The following VAV2 variants were observed in gnomAD, a reference collection of about 807,000 sequenced individuals.
VAV2 encodes the protein vav guanine nucleotide exchange factor 2, also known as guanine nucleotide exchange factor VAV2.
VAV2 carries 67 observed loss-of-function variants against 132.5 expected under a neutral mutation model. That is an observed-to-expected ratio of 0.51 (90% CI 0.42 to 0.62). The LOEUF (loss-of-function observed/expected upper bound fraction) is 0.62. Among genes scored for constraint, VAV2 ranks in the 20% least tolerant of loss-of-function variants. The pLI is 0.00. For synonymous variants in VAV2, 492 were observed against 443.5 expected, an observed-to-expected ratio of 1.11 and a Z score of -1.37; for missense variants, 938 against 1,153.6, an observed-to-expected ratio of 0.81 and a Z score of 2.71.
intron 3 of VAV2, among the ~76,000 whole-genome samples, chr9:133,839,198 GGATA>G (rs1357605718): frequency 6.6e-6 from 1 of 152,058 alleles, no homozygotes; most frequent in Non-Finnish European, 1.5e-5. Context: ...GTAAGTGGAA[GGATA>G]GATAAATGGG....
intron 11 of VAV2, among the ~76,000 whole-genome samples, chr9:133,796,091 T>C (rs1324078417): frequency 6.6e-6 from 1 of 152,224 alleles, no homozygotes; most frequent in Non-Finnish European, 1.5e-5. Flanking sequence ...CAGGTCTGGC[T>C]TTCCTGAAGC....
intron 18 of VAV2, 88 bp from the exon 19 acceptor site, chr9:133,783,679 A>G: frequency 1.6e-6 from 2 of 1,219,952 alleles, no homozygotes; most frequent in Non-Finnish European, 1.2e-6. Context: ...GTCCCCACCC[A>G]GGCTCACCTG....
intron 1 of VAV2, among the ~76,000 whole-genome samples, chr9:133,942,962 G>A (rs368945419): frequency 1.3e-5 from 2 of 152,206 alleles, no homozygotes; most frequent in African/African-American, 2.4e-5. Context: ...GGCCACACAC[G>A]GCCCGGCCTC....
intron 1 of VAV2, among the ~76,000 whole-genome samples, chr9:133,941,717 C>T (rs1038392607): frequency 6.6e-6 from 1 of 151,890 alleles, no homozygotes; most frequent in Admixed American, 6.6e-5. Flanking sequence ...AATTCTCCTG[C>T]CTGAGCCTCC....
rs933936838 is a variant in VAV2, at chr9:133,802,283, C to A, written c.836+3798G>T. Reference sequence around the variant, plus strand: ...ACACGGGCACACATGTATGCACACACACACACATGCATGTGCACACAAACA... The same window carrying A: ...ACACGGGCACACATGTATGCACACAAACACACATGCATGTGCACACAAACA... On this transcript the variant is annotated intron_variant, in intron 9 of 29. Transcript: ENST00000371850. This position sits in a 1 kb window ranked among gnomAD's most constrained non-coding sequence, Gnocchi z 5.8. Among the ~76,000 whole-genome samples the A allele has an allele frequency of 1.3e-5, 2 of 151,536 alleles. No individual in the cohort carries two copies. Among genetic ancestry groups the A allele is most frequent in the African/African-American group, 4.9e-5 (2 of 41,150 alleles).
chr9:133,768,473 T>C lies in VAV2; in HGVS notation c.2558A>G (p.Gln853Arg). Residue 853 changes from glutamine (Q) to arginine (R), a missense_variant, in exon 29 of 30, where the codon CAG (glutamine) becomes CGG (arginine). Gln to Arg is a conservative substitution (Grantham distance 43). Coordinates refer to ENST00000371850, the MANE Select transcript of VAV2 (RefSeq NM_001134398.2). The surrounding 1 kb of genome is among the most constrained non-coding windows in gnomAD (Gnocchi z 5.3). The part of the protein sequence containing the change: ...VRIYSRIGGD[Q>R]GWWKGETNGR... ...GTTGGTCTCGCCCTTCCACCAGCCC[T>C]GGTCTCCGCCGATGCGGCTGTAGAT... 1 of 1,613,816 alleles carries C rather than the reference T, an allele frequency of 6.2e-7. No individual in the cohort carries two copies. The highest frequency in any genetic ancestry group is 8.5e-7 in the Non-Finnish European group (1 of 1,179,976).
intron 1 of VAV2, among the ~76,000 whole-genome samples, chr9:133,939,810 A>ACGG (rs1841070146): frequency 6.6e-6 from 1 of 152,180 alleles, no homozygotes; most frequent in South Asian, 2.1e-4. Context: ...GCCACCCCCA[A>ACGG]GAAGCCACGG....
intron 2 of VAV2, among the ~76,000 whole-genome samples, chr9:133,917,566 T>C (rs538102509): frequency 1.8e-4 from 27 of 151,444 alleles, no homozygotes; most frequent in African/African-American, 6.3e-4. Flanking sequence ...AGAGGGGCCC[T>C]GCCCATCCCA....
intron 26 of VAV2, among the ~76,000 whole-genome samples, chr9:133,771,330 C>G (rs927976480): frequency 6.6e-6 from 1 of 152,084 alleles, no homozygotes; most frequent in Non-Finnish European, 1.5e-5. Flanking sequence ...TCCCAGAGTG[C>G]TGGGATTACA....
At chr9:133,976,429 G>C (rs903051195) in intron 1 of VAV2, among the ~76,000 whole-genome samples, 1 of 152,188 alleles carries the variant, frequency 6.6e-6, no homozygotes, top group African/African-American at 2.4e-5. Context: ...CCTCGATGGA[G>C]GAGGAGACAG....
intron 2 of VAV2, among the ~76,000 whole-genome samples, chr9:133,925,449 C>A (rs1840441448): frequency 6.6e-6 from 1 of 152,228 alleles, no homozygotes; most frequent in Non-Finnish European, 1.5e-5. Flanking sequence ...AACTCCTGAG[C>A]TCAGGCAATC....
intron 11 of VAV2, among the ~76,000 whole-genome samples, 167 bp downstream of exon 11, chr9:133,796,262 C>T (rs976756561): frequency 1.3e-5 from 2 of 152,198 alleles, no homozygotes; most frequent in African/African-American, 4.8e-5. Context: ...CTGTGATAAT[C>T]GGCCATCACA....
intron 2 of VAV2, among the ~76,000 whole-genome samples, chr9:133,891,627 AGGGAGGGCGG>A (rs1227139602): frequency 2.4e-3 from 3 of 1,232 alleles, no homozygotes; most frequent in Admixed American, 7.0e-3. Flanking sequence ...GATGGAGGGG[AGGGAGGGCGG>A]GGGATGGGGG....
intron 2 of VAV2, among the ~76,000 whole-genome samples, chr9:133,902,621 C>T (rs181968398): frequency 3.3e-5 from 5 of 152,252 alleles, no homozygotes; most frequent in South Asian, 2.1e-4. Context: ...GGGAGTGTTT[C>T]GGGTTGAACT....
At chr9:133,812,089 G>A in intron 5 of VAV2, 25 bp downstream of exon 5, 1 of 1,609,020 alleles carries the variant, frequency 6.2e-7, no homozygotes, top group Non-Finnish European at 8.5e-7. Context: ...GAGGGGAAGG[G>A]AGGGAGGAGC....
At chr9:133,835,770 AG>A (rs1444695293) in intron 3 of VAV2, among the ~76,000 whole-genome samples, 2 of 152,108 alleles carry the variant, frequency 1.3e-5, no homozygotes, top group Non-Finnish European at 2.9e-5. Flanking sequence ...CTCCTGCGGG[AG>A]GGCAGGGGGG....
intron 1 of VAV2, among the ~76,000 whole-genome samples, chr9:133,979,122 G>GT (rs1465700956): frequency 6.6e-6 from 1 of 152,216 alleles, no homozygotes; most frequent in Non-Finnish European, 1.5e-5. Flanking sequence ...TTCGTGCCAG[G>GT]GGTGGTGGTG....
intron 4 of VAV2, among the ~76,000 whole-genome samples, chr9:133,822,412 G>A (rs1444654865): frequency 2.6e-4 from 40 of 152,210 alleles, no homozygotes. Context: ...GCAGAGAGAA[G>A]GCGCATCGAG....
chr9:133,777,473 G>A lies in VAV2; in HGVS notation c.1891-10C>T, dbSNP rs770923172. On this transcript the variant is annotated splice_polypyrimidine_tract_variant and intron_variant, in intron 22 of 29. Coordinates refer to ENST00000371850, the MANE Select transcript of VAV2 (RefSeq NM_001134398.2). ...TTTGTACCAGACGACCCTGGCAGAGGAAAGAGATGGTTAGGACAAGGGGGC... is the reference window on the plus strand; with the variant it reads ...TTTGTACCAGACGACCCTGGCAGAGAAAAGAGATGGTTAGGACAAGGGGGC... The A allele has an allele frequency of 1.2e-6, 2 of 1,613,298 alleles. No homozygotes were observed. Among genetic ancestry groups the A allele is most frequent in the African/African-American group, 2.7e-5 (2 of 74,916 alleles).
Sources: allele counts gnomAD v4.1 joint callset (sites outside exome capture counted in the v4.1 genomes callset), GRCh38; gene constraint gnomAD v4.1.1; non-coding constraint Gnocchi (gnomAD v3.1); transcripts MANE v1.5; gene names NCBI Gene and HGNC (gene_info 2026-07-23, HGNC 2026-07-21).